The following CYP39A1 variants were observed in gnomAD, a reference collection of about 807,000 sequenced individuals.
CYP39A1 encodes 24-hydroxycholesterol 7-alpha-hydroxylase.
A neutral mutation model predicts 58.1 loss-of-function variants in CYP39A1; 49 were observed. That is an observed-to-expected ratio of 0.84 (90% CI 0.67 to 1.07). The LOEUF (loss-of-function observed/expected upper bound fraction) is 1.07, where lower values mean the gene tolerates loss of function less well. Ranked by LOEUF, CYP39A1 falls within the 50% of genes least tolerant of loss-of-function variation. CYP39A1 has a pLI of 0.00. For synonymous variants in CYP39A1, 209 were observed against 187.6 expected, an observed-to-expected ratio of 1.11 and a Z score of -0.93; for missense variants, 531 against 539.4, an observed-to-expected ratio of 0.98 and a Z score of 0.16.
chr6:46,632,893 A>C lies in CYP39A1; in HGVS notation c.733-1823T>G, dbSNP rs1340025454. ...GGAGAACTGCATTGTACCACAGCAT[A>C]GTAGCTTTGATTCAGATACTATGAC... On this transcript the variant is annotated intron_variant, in intron 5 of 11. Transcript: ENST00000275016. 2.6e-5 allele frequency among the ~76,000 whole-genome samples: 4 copies of C among 152,080 alleles called. No homozygotes were observed. In the East Asian group the frequency reaches 7.7e-4, roughly 29 times the overall value.
chr6:46,604,905 C>T (rs1293146194), intron 7 of CYP39A1, among the ~76,000 whole-genome samples: 1 of 151,382 alleles, frequency 6.6e-6, no homozygotes, highest in Non-Finnish European at 1.5e-5. Context: ...TTCTAGAATA[C>T]AGGTATCCAA....
At chr6:46,564,955 G>A (rs540733794) in intron 10 of CYP39A1, among the ~76,000 whole-genome samples, 10 of 152,298 alleles carry the variant, frequency 6.6e-5, no homozygotes, top group Middle Eastern at 6.8e-3. Context: ...TCATCCCTCT[G>A]AGAAATCTTT....
chr6:46,631,749 T>A (rs941733858), intron 5 of CYP39A1, among the ~76,000 whole-genome samples: 1 of 152,208 alleles, frequency 6.6e-6, no homozygotes, highest in African/African-American at 2.4e-5. Flanking sequence ...ACATTTGACT[T>A]GAACAGTGAC....
chr6:46,568,112 G>T (rs1268594792), intron 10 of CYP39A1, among the ~76,000 whole-genome samples: 3 of 152,018 alleles, frequency 2.0e-5, no homozygotes, highest in Non-Finnish European at 4.4e-5. Flanking sequence ...CAGGTATAAG[G>T]TGGTATTTCA....
At chr6:46,616,471 C>T (rs1774616179) in intron 7 of CYP39A1, among the ~76,000 whole-genome samples, 2 of 151,586 alleles carry the variant, frequency 1.3e-5, no homozygotes, top group South Asian at 4.2e-4. Context: ...CCAGGATGGT[C>T]TTGAATGCAT....
intron 8 of CYP39A1, among the ~76,000 whole-genome samples, chr6:46,590,931 C>T (rs1368230963): frequency 6.6e-6 from 1 of 151,954 alleles, no homozygotes; most frequent in African/African-American, 2.4e-5. Flanking sequence ...GTAATCATTC[C>T]CTACTTTTTT....
chr6:46,589,196 T>C (rs1772658829), intron 8 of CYP39A1, among the ~76,000 whole-genome samples: 1 of 152,158 alleles, frequency 6.6e-6, no homozygotes, highest in African/African-American at 2.4e-5. Flanking sequence ...CTCATGCCTG[T>C]AATCCTAGCA....
intron 5 of CYP39A1, among the ~76,000 whole-genome samples, chr6:46,632,584 A>T (rs1261895180): frequency 1.3e-5 from 2 of 151,664 alleles, no homozygotes; most frequent in African/African-American, 4.8e-5. Context: ...ATACACAATA[A>T]TTGTTTTTAT....
intron 8 of CYP39A1, among the ~76,000 whole-genome samples, chr6:46,590,054 G>A (rs1772737037): frequency 6.6e-6 from 1 of 152,144 alleles, no homozygotes; most frequent in African/African-American, 2.4e-5. Context: ...TAGCATGAAG[G>A]AATGAATGCT....
chr6:46,622,330 TTATC>T (rs1775004468), intron 7 of CYP39A1, among the ~76,000 whole-genome samples: 1 of 151,964 alleles, frequency 6.6e-6, no homozygotes, highest in African/African-American at 2.4e-5. Context: ...GGTATGTTAA[TTATC>T]TATGATTATA....
rs73471111 is a variant in CYP39A1 at position 46,628,120 on chromosome 6, G to C, written c.841-2612C>G. On this transcript the variant is annotated intron_variant, in intron 6 of 11. Coordinates refer to ENST00000275016, the MANE Select transcript of CYP39A1 (RefSeq NM_016593.5). ...GTGTCAAAGAGAAGATGAATTGAGT[G>C]TGTTCTTTGGTACTGATTTATCTAT... Among the ~76,000 whole-genome samples, 842 of 152,284 alleles carry C rather than the reference G, an allele frequency of 5.5e-3. 8 individuals are homozygous for C. Among genetic ancestry groups the C allele is most frequent in the African/African-American group, 0.019 (796 of 41,556 alleles).
intron 8 of CYP39A1, among the ~76,000 whole-genome samples, chr6:46,588,724 C>T (rs775067448): frequency 2.0e-5 from 3 of 152,074 alleles, no homozygotes; most frequent in African/African-American, 2.4e-5. Context: ...AAATGAAAAA[C>T]GACTGGTTAG....
At chr6:46,585,543 T>C (rs1026806819) in intron 10 of CYP39A1, among the ~76,000 whole-genome samples, 2 of 152,098 alleles carry the variant, frequency 1.3e-5, no homozygotes, top group African/African-American at 4.8e-5. Context: ...ATGAGCATGA[T>C]GGGTTTTTGT....
intron 6 of CYP39A1, among the ~76,000 whole-genome samples, chr6:46,626,356 T>C (rs1174963599): frequency 2.0e-5 from 3 of 152,144 alleles, no homozygotes; most frequent in Admixed American, 2.0e-4. Flanking sequence ...TCTAAATACA[T>C]TTATTATGAA....
At chr6:46,624,016 A>G (rs1263325220) in intron 7 of CYP39A1, among the ~76,000 whole-genome samples, 1 of 152,194 alleles carries the variant, frequency 6.6e-6, no homozygotes, top group Non-Finnish European at 1.5e-5. Flanking sequence ...AATGGGTTTT[A>G]AAAATAAACA....
At chr6:46,620,639 G>A (rs1484580558) in intron 7 of CYP39A1, among the ~76,000 whole-genome samples, 1 of 151,630 alleles carries the variant, frequency 6.6e-6, no homozygotes, top group Non-Finnish European at 1.5e-5. Context: ...AAGGCCACAA[G>A]CTGTCATGTA....
At chr6:46,632,235 A>T (rs1243678599) in intron 5 of CYP39A1, among the ~76,000 whole-genome samples, 2 of 152,224 alleles carry the variant, frequency 1.3e-5, no homozygotes, top group African/African-American at 4.8e-5. Context: ...AAAAATGAGA[A>T]GGATTACATA....
At chr6:46,646,877 T>C (rs1208438654) in intron 1 of CYP39A1, among the ~76,000 whole-genome samples, 1 of 152,146 alleles carries the variant, frequency 6.6e-6, no homozygotes, top group Non-Finnish European at 1.5e-5. Context: ...ATCATCCCTT[T>C]TGATGTCTGC....
chr6:46,644,242 T>G (rs937361107), intron 1 of CYP39A1, among the ~76,000 whole-genome samples: 1 of 152,194 alleles, frequency 6.6e-6, no homozygotes, highest in African/African-American at 2.4e-5. Context: ...ATACAATTTT[T>G]GGGGACTGGC....
Sources: gnomAD v4.1 joint callset for allele counts (sites outside exome capture counted in the v4.1 genomes callset) on GRCh38, gnomAD v4.1.1 for gene constraint, MANE v1.5 for transcripts, NCBI Gene and HGNC (gene_info 2026-07-23, HGNC 2026-07-21) for gene names.